Variants in CTNND2 observed in about 807,000 individuals in gnomAD.
CTNND2 encodes catenin delta 2.
CTNND2 carries 22 observed loss-of-function variants against 144.4 expected under a neutral mutation model. The ratio of observed to expected loss-of-function variants is 0.15; its 90% CI spans 0.11 to 0.22. CTNND2 has a LOEUF of 0.22. Ranked by LOEUF, CTNND2 falls within the 10% of genes least tolerant of loss-of-function variation. The pLI is 1.00. For missense variants in CTNND2, 1,353 were observed against 1,618.8 expected (o/e 0.84, Z 2.82); for synonymous variants, 751 against 695.6 (o/e 1.08, Z -1.25).
At chr5:11,420,236 T>C (rs903538881) in intron 3 of CTNND2, among the ~76,000 whole-genome samples, 2 of 152,034 alleles carry the variant, frequency 1.3e-5, no homozygotes, top group Non-Finnish European at 2.9e-5. Flanking sequence ...GGCAGGAGAA[T>C]TGCTTGAACC....
intron 3 of CTNND2, among the ~76,000 whole-genome samples, chr5:11,420,265 G>A (rs1024904457): frequency 6.6e-6 from 1 of 152,182 alleles, no homozygotes; most frequent in Non-Finnish European, 1.5e-5. Context: ...GGAGGTTGCA[G>A]TGAACCGAGA....
At chr5:11,567,045 T>C (rs1285762708) in intron 2 of CTNND2, among the ~76,000 whole-genome samples, 1 of 152,162 alleles carries the variant, frequency 6.6e-6, no homozygotes, top group East Asian at 1.9e-4. Flanking sequence ...TTGGAAGACG[T>C]TTTTGCTCTG....
intron 21 of CTNND2, among the ~76,000 whole-genome samples, chr5:10,978,325 A>G (rs951840816): frequency 6.6e-6 from 1 of 152,178 alleles, no homozygotes; most frequent in South Asian, 2.1e-4. Context: ...GAGTGAAAAC[A>G]TGTCTTTTGA....
intron 3 of CTNND2, among the ~76,000 whole-genome samples, chr5:11,545,662 C>CA (rs34532125): frequency 0.035 from 2,615 of 74,168 alleles, 139 homozygotes; most frequent in African/African-American, 0.12. Context: ...GACTGTGTCT[C>CA]AAAAAAAAAA....
intron 2 of CTNND2, among the ~76,000 whole-genome samples, chr5:11,729,973 G>GTTT (rs1787245724): frequency 6.6e-6 from 1 of 152,042 alleles, no homozygotes; most frequent in Admixed American, 6.6e-5. Flanking sequence ...TTACTTGCTT[G>GTTT]CATCTTTCTT....
chr5:11,869,916 T>C (rs1055137366), intron 1 of CTNND2, among the ~76,000 whole-genome samples: 1 of 152,178 alleles, frequency 6.6e-6, no homozygotes, highest in Non-Finnish European at 1.5e-5. Flanking sequence ...AATATTCTAA[T>C]TCCCCTGACA....
rs144769042 is a variant in CTNND2, at chr5:11,790,716, G to A, written c.38-58444C>T. ...TATCACTCATAAAAGAAATGTTTAC[G>A]GGTAGTCCTTTGAAAACAAATTGGC... On this transcript the variant is annotated intron_variant, in intron 1 of 21. Coordinates refer to ENST00000304623, the MANE Select transcript of CTNND2 (RefSeq NM_001332.4). Among the ~76,000 whole-genome samples, 11 of 152,206 alleles carry A rather than the reference G, an allele frequency of 7.2e-5. No homozygotes were observed. In the East Asian group the frequency reaches 1.2e-3, roughly 16 times the overall value.
intron 21 of CTNND2, among the ~76,000 whole-genome samples, chr5:10,977,278 G>A (rs983263243): frequency 6.6e-5 from 10 of 152,094 alleles, no homozygotes; most frequent in African/African-American, 1.9e-4. Flanking sequence ...TCAAGATTCC[G>A]GTTTTGTTAT....
intron 1 of CTNND2, among the ~76,000 whole-genome samples, chr5:11,888,318 G>A (rs754890939): frequency 3.8e-4 from 58 of 152,274 alleles, no homozygotes; most frequent in Admixed American, 9.2e-4. Context: ...AATGGTTGAC[G>A]AAGATAAGAG....
rs144306444 is a variant in CTNND2, at chr5:11,263,875, G to A, written c.1629-27052C>T. On this transcript the variant is annotated intron_variant, in intron 9 of 21. Transcript: ENST00000304623. Reference sequence around the variant, plus strand: ...GGAACTGCCAATAACTAGACACAGCGTCCCAGGTGTGGTGTGAATAGCTCA... The same window carrying A: ...GGAACTGCCAATAACTAGACACAGCATCCCAGGTGTGGTGTGAATAGCTCA... Among the ~76,000 whole-genome samples, 44 of 152,298 alleles carry A rather than the reference G, an allele frequency of 2.9e-4. 1 individual carries two copies. Among genetic ancestry groups the A allele is most frequent in the Admixed American group, 8.5e-4 (13 of 15,306 alleles).
At chr5:11,183,903 C>T (rs1008594146) in intron 11 of CTNND2, among the ~76,000 whole-genome samples, 1 of 152,118 alleles carries the variant, frequency 6.6e-6, no homozygotes, top group African/African-American at 2.4e-5. Flanking sequence ...CATGCTGTCT[C>T]TCTCTGTCCC....
chr5:11,200,487 T>C (rs1222874559), intron 10 of CTNND2, among the ~76,000 whole-genome samples: 1 of 152,206 alleles, frequency 6.6e-6, no homozygotes. Context: ...TTTGCATGTA[T>C]ATGGACAAAG....
At chr5:11,771,537 TGAGA>T (rs1245533186) in intron 1 of CTNND2, among the ~76,000 whole-genome samples, 2 of 152,190 alleles carry the variant, frequency 1.3e-5, no homozygotes, top group African/African-American at 4.8e-5. Context: ...TTTTTTTAAA[TGAGA>T]GATATATTTT....
chr5:11,619,385 G>A (rs942518322), intron 2 of CTNND2, among the ~76,000 whole-genome samples: 12 of 152,194 alleles, frequency 7.9e-5, no homozygotes, highest in Non-Finnish European at 1.3e-4. Flanking sequence ...TTCAGCCTAG[G>A]TGACAGAGTG....
At chr5:11,758,537 GTACC>G in intron 1 of CTNND2, among the ~76,000 whole-genome samples, 1 of 152,026 alleles carries the variant, frequency 6.6e-6, no homozygotes, top group South Asian at 2.1e-4. Context: ...CCATCATATA[GTACC>G]TTTTTAATGT....
intron 3 of CTNND2, among the ~76,000 whole-genome samples, chr5:11,439,740 A>ATATCTATCTATCTATC (rs57368706): frequency 2.7e-5 from 4 of 146,086 alleles, no homozygotes; most frequent in East Asian, 2.0e-4. Flanking sequence ...TCTGCTAGCT[A>ATATCTATCTATCTATC]TATCTATCTA....
intron 1 of CTNND2, among the ~76,000 whole-genome samples, chr5:11,879,354 T>TATACATAC (rs1553988813): frequency 2.9e-5 from 4 of 139,728 alleles, no homozygotes; most frequent in African/African-American, 1.0e-4. Flanking sequence ...TATATATATA[T>TATACATAC]ATACATATAC....
intron 9 of CTNND2, among the ~76,000 whole-genome samples, chr5:11,303,613 C>A (rs1231353859): frequency 6.6e-6 from 1 of 152,162 alleles, no homozygotes; most frequent in East Asian, 1.9e-4. Flanking sequence ...ATGACCTGAT[C>A]ACTATTCCTT....
At chr5:11,372,412 T>C (rs915719961) in intron 7 of CTNND2, among the ~76,000 whole-genome samples, 3 of 152,166 alleles carry the variant, frequency 2.0e-5, no homozygotes, top group African/African-American at 7.2e-5. Context: ...CGGAGTATAA[T>C]GAGTAATGTG....
Sources: gnomAD v4.1 joint callset for allele counts (sites outside exome capture counted in the v4.1 genomes callset) on GRCh38, gnomAD v4.1.1 for gene constraint, MANE v1.5 for transcripts, NCBI Gene and HGNC (gene_info 2026-07-23, HGNC 2026-07-21) for gene names.